Variants in ESR1 observed in about 807,000 individuals in gnomAD.
The protein encoded by ESR1 is estrogen receptor 1, also known as estrogen receptor.
In ESR1, 12 loss-of-function variants were observed where a neutral mutation model predicts 52.7. That is an observed-to-expected ratio of 0.23 (90% CI 0.15 to 0.37). The LOEUF is 0.37. Among genes scored for constraint, ESR1 ranks in the 10% least tolerant of loss-of-function variants. ESR1 has a pLI of 1.00. For synonymous variants in ESR1, 305 were observed against 316.8 expected, an observed-to-expected ratio of 0.96 and a Z score of 0.39; for missense variants, 584 against 779.7, an observed-to-expected ratio of 0.75 and a Z score of 2.99.
upstream of ESR1, among the ~76,000 whole-genome samples, chr6:151,799,850 C>A (rs1279300632): frequency 6.6e-6 from 1 of 152,088 alleles, no homozygotes; most frequent in Non-Finnish European, 1.5e-5. Flanking sequence ...GGGTAATTTG[C>A]ATACGTGAAT....
At chr6:152,107,459 A>G (rs2152512763), downstream of ESR1, among the ~76,000 whole-genome samples, 1 of 152,246 alleles carries the variant, frequency 6.6e-6, no homozygotes, top group African/African-American at 2.4e-5. Context: ...ATTTTTTAAA[A>G]CTTATTTCTG....
chr6:151,994,331 A>G (rs2041288662), intron 4 of ESR1, among the ~76,000 whole-genome samples: 1 of 152,224 alleles, frequency 6.6e-6, no homozygotes, highest in Non-Finnish European at 1.5e-5. Context: ...TGATATGGAA[A>G]ACATTAATGC....
intron 4 of ESR1, among the ~76,000 whole-genome samples, chr6:151,963,343 A>G (rs2128605939): frequency 6.6e-6 from 1 of 152,330 alleles, no homozygotes; most frequent in Admixed American, 6.5e-5. Context: ...TCATGAAAGT[A>G]AAAATGTGGG....
At chr6:151,985,230 G>A (rs1438178616) in intron 4 of ESR1, among the ~76,000 whole-genome samples, 2 of 152,026 alleles carry the variant, frequency 1.3e-5, no homozygotes, top group African/African-American at 4.8e-5. Context: ...ATCTGGCTGG[G>A]CGTGGTGGCT....
At chr6:151,856,988 C>A (rs2128276206) in intron 2 of ESR1, among the ~76,000 whole-genome samples, 1 of 152,180 alleles carries the variant, frequency 6.6e-6, no homozygotes, top group African/African-American at 2.4e-5. Context: ...TTGGTGGCTA[C>A]TTTGTTTCTG....
At chr6:151,777,482 T>A (rs1786122318) in intron 2 of ESR1, among the ~76,000 whole-genome samples, 1 of 152,132 alleles carries the variant, frequency 6.6e-6, no homozygotes, top group Admixed American at 6.6e-5. Flanking sequence ...AATGGAAATC[T>A]GAAAGAAAGG....
chr6:151,860,782 T>TATAA (rs1305110337), intron 2 of ESR1, among the ~76,000 whole-genome samples: 1 of 152,222 alleles, frequency 6.6e-6, no homozygotes, highest in African/African-American at 2.4e-5. Context: ...CAATTGACTG[T>TATAA]ATAAATGTAG....
chr6:152,075,817 CA>C (rs1350987590), intron 6 of ESR1, among the ~76,000 whole-genome samples: 2 of 152,052 alleles, frequency 1.3e-5, no homozygotes, highest in Non-Finnish European at 1.5e-5. Context: ...GATCGTATGT[CA>C]TTTTTTTTCT....
rs2128527587 is a variant in ESR1 at position 151,944,300 on chromosome 6, C to T, written c.888C>T (p.Leu296=). Reference sequence around the variant, plus strand: ...CTGCCAACCTTTGGCCAAGCCCGCTCATGATCAAACGCTCTAAGAAGAACA... The same window carrying T: ...CTGCCAACCTTTGGCCAAGCCCGCTTATGATCAAACGCTCTAAGAAGAACA... ...MRAANLWPSP[L]MIKRSKKNSL... Residue 296 remains leucine (L), a synonymous_variant, in exon 4 of 8, where the codon CTC becomes CTT. Coordinates refer to ENST00000206249, the MANE Select transcript of ESR1 (RefSeq NM_000125.4). 6.2e-7 allele frequency: 1 copy of T among 1,614,174 alleles called. No individual in the cohort carries two copies. Among genetic ancestry groups the T allele is most frequent in the Non-Finnish European group, 8.5e-7 (1 of 1,180,028 alleles).
At chr6:152,044,388 C>G (rs111874639) in intron 5 of ESR1, among the ~76,000 whole-genome samples, 2 of 152,186 alleles carry the variant, frequency 1.3e-5, no homozygotes, top group African/African-American at 4.8e-5. Context: ...GTACCAAAAT[C>G]TGTATTAGTC....
chr6:152,092,317 T>C (rs2050250608), intron 6 of ESR1, among the ~76,000 whole-genome samples: 1 of 152,236 alleles, frequency 6.6e-6, no homozygotes, highest in Non-Finnish European at 1.5e-5. Context: ...CCTATTCAAC[T>C]GCATGGAAAC....
intron 4 of ESR1, among the ~76,000 whole-genome samples, chr6:151,987,489 C>T (rs1397595604): frequency 2.0e-5 from 3 of 152,122 alleles, no homozygotes; most frequent in Non-Finnish European, 2.9e-5. Context: ...AAACTCCTGA[C>T]CTCAGGTGAT....
chr6:152,047,171 T>C (rs1339183192), intron 5 of ESR1, among the ~76,000 whole-genome samples: 1 of 152,060 alleles, frequency 6.6e-6, no homozygotes, highest in African/African-American at 2.4e-5. Flanking sequence ...ATACTACAGT[T>C]GGAGATCATC....
chr6:151,742,609 CCTTT>C (rs1418627233), intron 2 of ESR1, among the ~76,000 whole-genome samples: 1 of 152,148 alleles, frequency 6.6e-6, no homozygotes, highest in Non-Finnish European at 1.5e-5. Flanking sequence ...TCTGTGCCTT[CCTTT>C]GTTACTTGGA....
intron 5 of ESR1, among the ~76,000 whole-genome samples, chr6:152,050,068 T>TAG (rs1379201193): frequency 1.3e-5 from 2 of 152,234 alleles, no homozygotes; most frequent in African/African-American, 4.8e-5. Context: ...CTTCCTTTCA[T>TAG]AGATTCCTTT....
At chr6:152,001,525 C>G (rs1213780508) in intron 4 of ESR1, among the ~76,000 whole-genome samples, 1 of 152,036 alleles carries the variant, frequency 6.6e-6, no homozygotes, top group African/African-American at 2.4e-5. Context: ...TAAATTTCAG[C>G]ATGAGTTTTG....
chr6:151,989,476 T>C (rs907853441), intron 4 of ESR1, among the ~76,000 whole-genome samples: 3 of 144,064 alleles, frequency 2.1e-5, no homozygotes, highest in Non-Finnish European at 4.4e-5. Context: ...TTCAAAAGTA[T>C]TTAAAAAAAT....
chr6:151,943,888 G>T (rs1413773156), intron 3 of ESR1, among the ~76,000 whole-genome samples: 2 of 152,106 alleles, frequency 1.3e-5, no homozygotes, highest in Admixed American at 6.5e-5. Context: ...AGTTTTGTAA[G>T]CCATTTGATG....
intron 6 of ESR1, among the ~76,000 whole-genome samples, chr6:152,072,138 T>C (rs1732977499): frequency 6.6e-6 from 1 of 152,266 alleles, no homozygotes; most frequent in African/African-American, 2.4e-5. Context: ...AATTTCTACA[T>C]AGATCCTATT....
Sources: allele counts gnomAD v4.1 joint callset (sites outside exome capture counted in the v4.1 genomes callset), GRCh38; gene constraint gnomAD v4.1.1; transcripts MANE v1.5; gene names NCBI Gene and HGNC (gene_info 2026-07-23, HGNC 2026-07-21).